CTNNA3: variants seen among roughly 807,000 people sequenced by gnomAD.
CTNNA3 encodes the protein catenin alpha-3.
A neutral mutation model predicts 95.7 loss-of-function variants in CTNNA3; 76 were observed. The observed-to-expected ratio is 0.79, with a 90% confidence interval of 0.66 to 0.96. The LOEUF is 0.96. Among genes scored for constraint, CTNNA3 ranks in the 40% least tolerant of loss-of-function variants. CTNNA3 has a pLI of 0.00. For missense variants in CTNNA3, 1,191 were observed against 1,089.8 expected (o/e 1.09, Z -1.31); for synonymous variants, 431 against 374.4 (o/e 1.15, Z -1.74).
rs1388590521 is a variant in CTNNA3 at position 66,382,607 on chromosome 10, CT to C, written c.1532-3256del. Among the ~76,000 whole-genome samples the C allele has an allele frequency of 5.3e-5, 8 of 152,182 alleles. No individual in the cohort carries two copies. In the South Asian group the frequency reaches 1.7e-3, roughly 31 times the overall value. ...GTTCTCCCAGCATGGTGGTTGAGCT[CT>C]GAGAATGGACAGACTGCCTCCTTAA... is the stretch of plus-strand genomic sequence containing the variant. On this transcript the variant is annotated intron_variant, in intron 11 of 17. Coordinates refer to ENST00000433211, the MANE Select transcript of CTNNA3 (RefSeq NM_013266.4).
chr10:66,810,426 T>G (rs1486484450), intron 7 of CTNNA3, among the ~76,000 whole-genome samples: 1 of 152,174 alleles, frequency 6.6e-6, no homozygotes, highest in Non-Finnish European at 1.5e-5. Context: ...ACTCTTTTTC[T>G]GTGAACCCCA....
intron 17 of CTNNA3, among the ~76,000 whole-genome samples, chr10:65,929,640 C>T (rs2077220282): frequency 6.6e-6 from 1 of 151,232 alleles, no homozygotes; most frequent in South Asian, 2.1e-4. Flanking sequence ...GCAATCTCGG[C>T]TCACTGCAAC....
intron 3 of CTNNA3, among the ~76,000 whole-genome samples, chr10:67,564,886 A>G (rs1441093793): frequency 1.8e-5 from 2 of 110,870 alleles, no homozygotes; most frequent in East Asian, 7.4e-4. Flanking sequence ...CATGATACAA[A>G]CTCTCAACAA....
chr10:65,920,622 A>T lies in CTNNA3; in HGVS notation c.2401-5T>A, dbSNP rs1362331290. ...CAGGGATGTGACACTGTCCAACTGT[A>T]GGGAAAAAAGAGAAAAAAGAGCTAT... On this transcript the variant is annotated splice_polypyrimidine_tract_variant and splice_region_variant and intron_variant, in intron 17 of 17. Coordinates refer to ENST00000433211, the MANE Select transcript of CTNNA3 (RefSeq NM_013266.4). The T allele has an allele frequency of 6.2e-7, 1 of 1,600,698 alleles. No homozygotes were observed. The highest frequency in any genetic ancestry group is 8.5e-7 in the Non-Finnish European group (1 of 1,171,800).
intron 7 of CTNNA3, among the ~76,000 whole-genome samples, chr10:66,980,538 C>G (rs942778): frequency 1.5e-5 from 2 of 137,876 alleles, no homozygotes; most frequent in African/African-American, 2.8e-5. Context: ...CAGAATTGAA[C>G]AGGAACCAAA....
rs542056491 is a variant in CTNNA3, at chr10:66,408,131, C to A, written c.1532-28779G>T. ...ATAAAATGCCTACACATAGCTTCATCTGCACAGATTCGACATAGTACTCAA... is the reference window on the plus strand; with the variant it reads ...ATAAAATGCCTACACATAGCTTCATATGCACAGATTCGACATAGTACTCAA... On this transcript the variant is annotated intron_variant, in intron 11 of 17. Coordinates refer to ENST00000433211, the MANE Select transcript of CTNNA3 (RefSeq NM_013266.4). Among the ~76,000 whole-genome samples, 3 of 152,290 alleles carry A rather than the reference C, an allele frequency of 2.0e-5. No homozygotes were observed. In the East Asian group the frequency reaches 5.8e-4, roughly 29 times the overall value.
At chr10:67,677,263 G>C (rs1010941871) in intron 1 of CTNNA3, among the ~76,000 whole-genome samples, 1 of 152,142 alleles carries the variant, frequency 6.6e-6, no homozygotes, top group African/African-American at 2.4e-5. Flanking sequence ...AAGGTTCACA[G>C]ATAAAATACA....
intron 10 of CTNNA3, among the ~76,000 whole-genome samples, chr10:66,522,268 T>C (rs1357021343): frequency 6.6e-6 from 1 of 152,110 alleles, no homozygotes; most frequent in African/African-American, 2.4e-5. Context: ...ATTCTTCCAC[T>C]CAAACTTTGC....
Position 66,688,930 on chromosome 10 carries a change from C to T in CTNNA3, c.1282-67146G>A, listed in dbSNP as rs967086690. On this transcript the variant is annotated intron_variant, in intron 9 of 17. Coordinates refer to ENST00000433211, the MANE Select transcript of CTNNA3 (RefSeq NM_013266.4). The stretch of plus-strand genomic sequence containing the variant: ...TGGAGCTTGCAGTGAGCCAAGATTG[C>T]CCCAGCCTGGGCCACAGAGCAAGAC... Among the ~76,000 whole-genome samples the T allele has an allele frequency of 2.7e-5, 4 of 150,416 alleles. No homozygotes were observed. In the East Asian group the frequency reaches 7.8e-4, roughly 30 times the overall value.
intron 10 of CTNNA3, among the ~76,000 whole-genome samples, chr10:66,577,384 G>C (rs919058106): frequency 6.6e-6 from 1 of 152,056 alleles, no homozygotes; most frequent in African/African-American, 2.4e-5. Context: ...TGGGAACTTA[G>C]TCATAAATTC....
At chr10:67,420,371 A>G (rs766392627) in intron 5 of CTNNA3, among the ~76,000 whole-genome samples, 1 of 152,230 alleles carries the variant, frequency 6.6e-6, no homozygotes, top group Non-Finnish European at 1.5e-5. Flanking sequence ...GCAATAAGTC[A>G]GCATAACTGG....
intron 5 of CTNNA3, among the ~76,000 whole-genome samples, chr10:67,369,389 T>C (rs968018766): frequency 6.6e-6 from 1 of 152,174 alleles, no homozygotes; most frequent in African/African-American, 2.4e-5. Context: ...GCATATATTC[T>C]AAATAGATCA....
intron 9 of CTNNA3, among the ~76,000 whole-genome samples, chr10:66,716,398 C>T (rs1025226975): frequency 2.6e-5 from 4 of 152,130 alleles, no homozygotes; most frequent in Non-Finnish European, 5.9e-5. Context: ...ACCCCACCCA[C>T]CTGCTGCAAA....
chr10:67,702,804 C>T (rs187086957), intron 1 of CTNNA3, among the ~76,000 whole-genome samples: 82 of 152,106 alleles, frequency 5.4e-4, no homozygotes, highest in East Asian at 1.5e-3. Flanking sequence ...AATAGAGACA[C>T]AAAAACCCTT....
rs1402402526 is a variant in CTNNA3, at chr10:67,620,923, G to GTGTATATATA, written c.100-13875_100-13874insTATATATACA. On this transcript the variant is annotated intron_variant, in intron 2 of 17. Coordinates refer to ENST00000433211, the MANE Select transcript of CTNNA3 (RefSeq NM_013266.4). ...TGTATATGTGTGTGTGTGTGTGTGT[G>GTGTATATATA]TATATATATATATATATATATATAT... Among the ~76,000 whole-genome samples, 1,141 of 123,598 alleles carry GTGTATATATA rather than the reference G, an allele frequency of 9.2e-3. 8 individuals carry two copies. Among genetic ancestry groups the GTGTATATATA allele is most frequent in the East Asian group, 0.017 (76 of 4,446 alleles). The allele number at this position is 123,598 out of a possible 152,430, so 81.1% of individuals were successfully genotyped here.
Position 67,582,759 on chromosome 10 carries a change from T to C in CTNNA3, c.292+24098A>G, listed in dbSNP as rs943509594. Among the ~76,000 whole-genome samples, 34 of 152,272 alleles carry C rather than the reference T, an allele frequency of 2.2e-4. 1 individual carries two copies. Among genetic ancestry groups the C allele is most frequent in the Admixed American group, 8.5e-4 (13 of 15,298 alleles). On this transcript the variant is annotated intron_variant, in intron 3 of 17. Transcript: ENST00000433211. ...TGTGGCCTCCTGTATTTGGTGCATG[T>C]ATATTTAGGATAGTTAGCTCTTCTT...
chr10:66,469,720 G>A (rs151084281), intron 11 of CTNNA3, among the ~76,000 whole-genome samples: 32 of 151,880 alleles, frequency 2.1e-4, no homozygotes, highest in African/African-American at 7.5e-4. Flanking sequence ...TGATTAAGGT[G>A]AAGGATAATG....
At chr10:67,576,581 T>C (rs923558633) in intron 3 of CTNNA3, among the ~76,000 whole-genome samples, 1 of 150,532 alleles carries the variant, frequency 6.6e-6, no homozygotes, top group African/African-American at 2.5e-5. Flanking sequence ...TACTTTAAAT[T>C]TTAGGGTACA....
intron 5 of CTNNA3, among the ~76,000 whole-genome samples, chr10:67,500,189 A>G (rs1839183378): frequency 6.6e-6 from 1 of 152,090 alleles, no homozygotes; most frequent in South Asian, 2.1e-4. Flanking sequence ...TTGGTTATTT[A>G]CCCAGTAGTC....
Sources: allele counts gnomAD v4.1 joint callset (sites outside exome capture counted in the v4.1 genomes callset), GRCh38; gene constraint gnomAD v4.1.1; transcripts MANE v1.5; gene names NCBI Gene and HGNC (gene_info 2026-07-23, HGNC 2026-07-21).